CDK7: variants seen among roughly 807,000 people sequenced by gnomAD.
The protein encoded by CDK7 is cyclin-dependent kinase 7.
In CDK7, 25 loss-of-function variants were observed where a neutral mutation model predicts 49.1. That is an observed-to-expected ratio of 0.51 (90% CI 0.37 to 0.71). The LOEUF (loss-of-function observed/expected upper bound fraction) is 0.71, where lower values mean the gene tolerates loss of function less well. Among genes scored for constraint, CDK7 ranks in the 30% least tolerant of loss-of-function variants. CDK7 has a pLI of 0.00. For synonymous variants in CDK7, 107 were observed against 140.0 expected, an observed-to-expected ratio of 0.76 and a Z score of 1.67; for missense variants, 316 against 411.7, an observed-to-expected ratio of 0.77 and a Z score of 2.01.
intron 2 of CDK7, among the ~76,000 whole-genome samples, chr5:69,241,567 G>C (rs1467220137): frequency 6.6e-6 from 1 of 151,754 alleles, no homozygotes; most frequent in East Asian, 1.9e-4. Flanking sequence ...CACGTGATCC[G>C]CCTGCCTCAG....
At chr5:69,272,364 C>T (rs1009050505) in intron 9 of CDK7, among the ~76,000 whole-genome samples, 32 of 152,104 alleles carry the variant, frequency 2.1e-4, no homozygotes, top group African/African-American at 7.5e-4. Context: ...ATTTTAGCTA[C>T]TGTAGTCCTT....
chr5:69,237,925 T>G (rs1341640142), intron 2 of CDK7, among the ~76,000 whole-genome samples: 2 of 152,212 alleles, frequency 1.3e-5, no homozygotes, highest in African/African-American at 4.8e-5. Context: ...GAGGTGTTTT[T>G]TCTCCCCCAG....
At chr5:69,274,741 T>C (rs1579883088) in intron 10 of CDK7, among the ~76,000 whole-genome samples, 1 of 151,788 alleles carries the variant, frequency 6.6e-6, no homozygotes, top group South Asian at 2.1e-4. Flanking sequence ...TCAGCCTCCC[T>C]AGTAGCTGGG....
At chr5:69,275,832 C>T (rs1346514249) in intron 10 of CDK7, among the ~76,000 whole-genome samples, 1 of 152,050 alleles carries the variant, frequency 6.6e-6, no homozygotes, top group Non-Finnish European at 1.5e-5. Flanking sequence ...TGTAAAATTA[C>T]CTTCAGTTTA....
In CDK7 at chr5:69,273,082, T is replaced by C. The variant is rs757275279; in HGVS notation, c.864+41T>C. 6 of 1,301,004 alleles carry C rather than the reference T, an allele frequency of 4.6e-6. No homozygotes were observed. The Admixed American group carries it at 1.1e-4, about 23-fold the overall frequency. 80.6% of individuals were successfully genotyped at this position (1,301,004 alleles called of 1,614,324 possible). A position where few individuals can be genotyped will look rare whatever the true frequency, so the allele number is the denominator to read the frequency against. ...TTTTTTATACTAGGAAATATAAAAA[T>C]AATCTTAACTGTAGCATTGATAAAA... is the stretch of plus-strand genomic sequence containing the variant. On this transcript the variant is annotated intron_variant, in intron 10 of 11. Coordinates refer to ENST00000256443, the MANE Select transcript of CDK7 (RefSeq NM_001799.4).
chr5:69,244,324 A>C (rs1217795948), intron 2 of CDK7, among the ~76,000 whole-genome samples: 1 of 152,056 alleles, frequency 6.6e-6, no homozygotes. Flanking sequence ...TATCAGTTCT[A>C]GTCGTTTTTT....
chr5:69,267,408 C>T (rs1453408504), intron 8 of CDK7, among the ~76,000 whole-genome samples: 2 of 147,370 alleles, frequency 1.4e-5, no homozygotes, highest in Non-Finnish European at 3.0e-5. Context: ...AAGTGATTCT[C>T]GTGCCTCAGC....
At chr5:69,247,988 G>A (rs1473732922) in intron 2 of CDK7, among the ~76,000 whole-genome samples, 1 of 152,164 alleles carries the variant, frequency 6.6e-6, no homozygotes, top group African/African-American at 2.4e-5. Context: ...CACAATTACA[G>A]TGTTATAATA....
At chr5:69,272,002 G>C (rs1248765307) in intron 9 of CDK7, among the ~76,000 whole-genome samples, 1 of 151,574 alleles carries the variant, frequency 6.6e-6, no homozygotes, top group Non-Finnish European at 1.5e-5. Flanking sequence ...TCTTGTCCAG[G>C]CTGGTCTCGA....
intron 7 of CDK7, 56 bp from the exon 8 acceptor site, chr5:69,262,149 T>A: frequency 6.2e-7 from 1 of 1,609,790 alleles, no homozygotes; most frequent in African/African-American, 1.3e-5. Flanking sequence ...TCCCTAGAGA[T>A]AGAAGTGCTT....
Position 69,241,307 on chromosome 5 carries a change from GTTTTTTC to G in CDK7, c.126+5861_126+5867del, listed in dbSNP as rs1312472594. ...TAGGTGAGATGCTCTCTCATTGTAGGTTTTTTCTTTTTTTTTTTTTTTTTTTTTTTTG... is the reference window on the plus strand; with the variant it reads ...TAGGTGAGATGCTCTCTCATTGTAGGTTTTTTTTTTTTTTTTTTTTTTTTG... On this transcript the variant is annotated intron_variant, in intron 2 of 11. Coordinates refer to ENST00000256443, the MANE Select transcript of CDK7 (RefSeq NM_001799.4). 8.1e-3 allele frequency among the ~76,000 whole-genome samples: 910 copies of G among 112,840 alleles called. 47 individuals are homozygous for G. The highest frequency in any genetic ancestry group is 0.011 in the Middle Eastern group (2 of 184). The allele number at this position is 112,840 out of a possible 152,430, so 74.0% of individuals were successfully genotyped here.
At chr5:69,250,341 G>T (rs1393671653) in intron 2 of CDK7, among the ~76,000 whole-genome samples, 1 of 152,176 alleles carries the variant, frequency 6.6e-6, no homozygotes, top group Non-Finnish European at 1.5e-5. Context: ...ACTTATAGAG[G>T]TACCATCTTG....
intron 9 of CDK7, among the ~76,000 whole-genome samples, chr5:69,269,602 T>C (rs558008722): frequency 3.6e-4 from 55 of 152,216 alleles, no homozygotes; most frequent in African/African-American, 1.3e-3. Flanking sequence ...AAGGGTTGCA[T>C]GTTCTTTGAC....
intron 8 of CDK7, among the ~76,000 whole-genome samples, chr5:69,264,458 T>G (rs966261299): frequency 6.6e-6 from 1 of 152,168 alleles, no homozygotes. Context: ...GGCAGGAGAA[T>G]CTCTTGAGCC....
chr5:69,252,974 A>T (rs916691709), intron 3 of CDK7, among the ~76,000 whole-genome samples: 2 of 152,214 alleles, frequency 1.3e-5, no homozygotes, highest in African/African-American at 4.8e-5. Flanking sequence ...AAACATTCCA[A>T]ATCACCCACA....
chr5:69,236,934 G>A (rs1353973308), intron 2 of CDK7, among the ~76,000 whole-genome samples: 1 of 144,706 alleles, frequency 6.9e-6, no homozygotes, highest in Non-Finnish European at 1.5e-5. Flanking sequence ...TTACAGGTGT[G>A]AGCCACTGTG....
At chr5:69,242,544 CT>C (rs1300637554) in intron 2 of CDK7, among the ~76,000 whole-genome samples, 8 of 152,164 alleles carry the variant, frequency 5.3e-5, no homozygotes, top group Non-Finnish European at 1.0e-4. Context: ...TTGCAAAATT[CT>C]TGTTACTTTT....
Position 69,255,462 on chromosome 5 carries a change from C to T in CDK7, c.231C>T (p.Leu77=). The T allele has an allele frequency of 4.5e-6, 7 of 1,554,850 alleles. No individual in the cohort carries two copies. Among genetic ancestry groups the T allele is most frequent in the Non-Finnish European group, 6.1e-6 (7 of 1,145,424 alleles). Residue 77 remains leucine (L), a splice_region_variant and synonymous_variant, in exon 5 of 12, where the codon CTC becomes CTT. Coordinates refer to ENST00000256443, the MANE Select transcript of CDK7 (RefSeq NM_001799.4). Reference sequence around the variant, plus strand: ...ATTTTAATTTTTTAACTTTGCAGCTCCTTGATGCTTTTGGACATAAATCTA... The same window carrying T: ...ATTTTAATTTTTTAACTTTGCAGCTTCTTGATGCTTTTGGACATAAATCTA... ...QELSHPNIIG[L]LDAFGHKSNI...
chr5:69,267,545 C>G (rs538837176), intron 8 of CDK7, among the ~76,000 whole-genome samples: 1 of 152,132 alleles, frequency 6.6e-6, no homozygotes, highest in South Asian at 2.1e-4. Flanking sequence ...GATCCACTCG[C>G]CTCACCCTCC....
Sources: gnomAD v4.1 joint callset for allele counts (sites outside exome capture counted in the v4.1 genomes callset) on GRCh38, gnomAD v4.1.1 for gene constraint, MANE v1.5 for transcripts, NCBI Gene and HGNC (gene_info 2026-07-23, HGNC 2026-07-21) for gene names.